The following PRKN variants were observed in gnomAD, a reference collection of about 807,000 sequenced individuals.
PRKN encodes the protein E3 ubiquitin-protein ligase parkin.
PRKN carries 56 observed loss-of-function variants against 59.5 expected under a neutral mutation model. That is an observed-to-expected ratio of 0.94 (90% CI 0.76 to 1.18). PRKN has a LOEUF of 1.18. Among genes scored for constraint, PRKN ranks in the 50% most tolerant of loss-of-function variants. The pLI, the probability that PRKN is intolerant of heterozygous loss-of-function variation, is 0.00. For missense variants in PRKN, 657 were observed against 596.4 expected, an observed-to-expected ratio of 1.10 and a Z score of -1.06; for synonymous variants, 250 against 222.1, an observed-to-expected ratio of 1.13 and a Z score of -1.12.
intron 2 of PRKN, among the ~76,000 whole-genome samples, chr6:162,427,841 G>T (rs1178622178): frequency 6.6e-6 from 1 of 151,480 alleles, no homozygotes; most frequent in Non-Finnish European, 1.5e-5. Flanking sequence ...GTTGAGACGG[G>T]GTAATAAATG....
At chr6:162,383,315 G>C (rs1267185316) in intron 2 of PRKN, among the ~76,000 whole-genome samples, 1 of 152,140 alleles carries the variant, frequency 6.6e-6, no homozygotes, top group Non-Finnish European at 1.5e-5. Context: ...ATTACTCCTT[G>C]ATTCATGGGC....
At chr6:162,067,848 A>G (rs183512462) in intron 4 of PRKN, among the ~76,000 whole-genome samples, 250 of 152,370 alleles carry the variant, frequency 1.6e-3, no homozygotes, top group Non-Finnish European at 2.8e-3. Flanking sequence ...ACAAAGTAAC[A>G]AAGTCCATTT....
intron 2 of PRKN, among the ~76,000 whole-genome samples, chr6:162,329,294 T>A (rs1783466043): frequency 6.6e-6 from 1 of 151,936 alleles, no homozygotes; most frequent in South Asian, 2.1e-4. Flanking sequence ...GTCTGGACCC[T>A]CAAAAGCAGT....
At position 162,522,597 on chromosome 6, in the gene PRKN, C is replaced by T. The variant is rs561438898; in HGVS notation, c.8-79124G>A. ...GTCACCCATTCCAATGAATTTGCTA[C>T]GTAGGCTGCTGGTCAGCACAAACCA... On this transcript the variant is annotated intron_variant, in intron 1 of 11. Coordinates refer to ENST00000366898, the MANE Select transcript of PRKN (RefSeq NM_004562.3). 2.0e-4 allele frequency among the ~76,000 whole-genome samples: 30 copies of T among 152,284 alleles called. No homozygotes were observed. The South Asian group carries it at 5.8e-3, about 29-fold the overall frequency.
intron 5 of PRKN, among the ~76,000 whole-genome samples, chr6:162,000,437 G>A (rs190986582): frequency 6.6e-6 from 1 of 152,008 alleles, no homozygotes; most frequent in East Asian, 1.9e-4. Context: ...ATGCTTACTT[G>A]CCATGTTTAT....
At chr6:161,528,453 C>A (rs1779089727) in intron 9 of PRKN, among the ~76,000 whole-genome samples, 1 of 152,040 alleles carries the variant, frequency 6.6e-6, no homozygotes, top group African/African-American at 2.4e-5. Flanking sequence ...CCACCAGCAC[C>A]CCAGTGAAAA....
intron 9 of PRKN, among the ~76,000 whole-genome samples, chr6:161,408,372 G>C (rs1020606856): frequency 6.7e-6 from 1 of 150,082 alleles, no homozygotes; most frequent in Admixed American, 6.6e-5. Context: ...TTAAAATTGC[G>C]GACATGTGGG....
intron 5 of PRKN, among the ~76,000 whole-genome samples, chr6:162,027,393 G>A (rs1783475303): frequency 6.6e-6 from 1 of 151,946 alleles, no homozygotes; most frequent in African/African-American, 2.4e-5. Flanking sequence ...GGTCCCTCTG[G>A]GCATCTATCC....
chr6:162,396,675 G>C (rs1403393218), intron 2 of PRKN, among the ~76,000 whole-genome samples: 2 of 152,064 alleles, frequency 1.3e-5, no homozygotes, highest in Non-Finnish European at 2.9e-5. Context: ...TGGCACATTT[G>C]TTACAGAAAC....
intron 7 of PRKN, among the ~76,000 whole-genome samples, chr6:161,772,422 G>C (rs546360370): frequency 8.5e-5 from 13 of 152,266 alleles, no homozygotes; most frequent in African/African-American, 3.1e-4. Context: ...TCTGGCTGCT[G>C]TAAGTCAGCT....
intron 7 of PRKN, among the ~76,000 whole-genome samples, chr6:161,680,767 A>ATTTTT (rs1562604052): frequency 1.6e-4 from 2 of 12,240 alleles, no homozygotes; most frequent in African/African-American, 2.3e-4. Flanking sequence ...ATATATATAT[A>ATTTTT]TATATATATT....
At chr6:162,641,374 A>G (rs1184904338) in intron 1 of PRKN, among the ~76,000 whole-genome samples, 3 of 152,038 alleles carry the variant, frequency 2.0e-5, no homozygotes, top group Non-Finnish European at 4.4e-5. Flanking sequence ...TAAATTTGCA[A>G]TCAAATTGTA....
chr6:161,895,158 C>CATTTA (rs1777563711), intron 6 of PRKN, among the ~76,000 whole-genome samples: 1 of 152,184 alleles, frequency 6.6e-6, no homozygotes, highest in Admixed American at 6.5e-5. Context: ...TAAAGCTTCA[C>CATTTA]ATTTAACTGC....
At chr6:162,327,772 C>G (rs1050791888) in intron 2 of PRKN, among the ~76,000 whole-genome samples, 1 of 152,190 alleles carries the variant, frequency 6.6e-6, no homozygotes, top group East Asian at 1.9e-4. Context: ...GAGATCAGAC[C>G]GTTATGATTT....
intron 9 of PRKN, among the ~76,000 whole-genome samples, chr6:161,522,297 G>A (rs1055378760): frequency 6.6e-5 from 10 of 152,316 alleles, no homozygotes; most frequent in Admixed American, 6.5e-4. Flanking sequence ...AGAGGAGAGG[G>A]CTGAAGATGG....
chr6:162,525,013 C>A (rs897236447), intron 1 of PRKN, among the ~76,000 whole-genome samples: 3 of 152,100 alleles, frequency 2.0e-5, no homozygotes, highest in Admixed American at 6.6e-5. Flanking sequence ...ATTCCAGAAA[C>A]AAATATGCTT....
chr6:161,920,349 A>C (rs568381355), intron 6 of PRKN, among the ~76,000 whole-genome samples: 1 of 151,994 alleles, frequency 6.6e-6, no homozygotes, highest in Admixed American at 6.5e-5. Context: ...GTGCCACTGC[A>C]CTCCAGCCTG....
chr6:162,382,131 C>A (rs145296033), intron 2 of PRKN, among the ~76,000 whole-genome samples: 1 of 152,072 alleles, frequency 6.6e-6, no homozygotes, highest in Non-Finnish European at 1.5e-5. Flanking sequence ...GTATTCTCCC[C>A]CACTCAGAGT....
At position 161,621,978 on chromosome 6, in the gene PRKN, TC is replaced by T. The variant is rs200398648; in HGVS notation, c.872-52563del. Among the ~76,000 whole-genome samples the T allele has an allele frequency of 1.4e-3, 214 of 152,296 alleles. 3 individuals are homozygous for T. In the East Asian group the frequency reaches 0.032, roughly 23 times the overall value. ...TTCCGCTTAAGCCACCCTCTGTTTT[TC>T]TCCCCAGAGAGGATGCCTTACCACG... On this transcript the variant is annotated intron_variant, in intron 7 of 11. Transcript: ENST00000366898.
Sources: gnomAD v4.1 joint callset for allele counts (sites outside exome capture counted in the v4.1 genomes callset) on GRCh38, gnomAD v4.1.1 for gene constraint, MANE v1.5 for transcripts, NCBI Gene and HGNC (gene_info 2026-07-23, HGNC 2026-07-21) for gene names.